Variants in COL9A1 observed in about 807,000 individuals in gnomAD.
The protein encoded by COL9A1 is collagen type IX alpha 1 chain.
Under a neutral mutation model 142.6 loss-of-function variants are expected in COL9A1, and 104 were observed. That is an observed-to-expected ratio of 0.73 (90% CI 0.62 to 0.86). The LOEUF (loss-of-function observed/expected upper bound fraction) is 0.86. COL9A1 is among the 40% of genes least tolerant of loss of function. The pLI is 0.00. For synonymous variants in COL9A1, 466 were observed against 396.0 expected, an observed-to-expected ratio of 1.18 and a Z score of -2.10; for missense variants, 1,210 against 1,176.6, an observed-to-expected ratio of 1.03 and a Z score of -0.42.
At chr6:70,271,609 T>C in intron 14 of COL9A1, 46 bp downstream of exon 14, 1 of 1,573,854 alleles carries the variant, frequency 6.4e-7, no homozygotes, top group Non-Finnish European at 8.7e-7. Flanking sequence ...AATAACATCT[T>C]CTATTAAATC....
At chr6:70,252,447 A>C in intron 26 of COL9A1, 132 bp from the exon 27 acceptor site, 3 of 798,244 alleles carry the variant, frequency 3.8e-6, no homozygotes, top group Non-Finnish European at 4.3e-6. Context: ...GAATCTGGGA[A>C]TGTGCAGAAT....
chr6:70,259,551 A>T (rs1379834890), intron 20 of COL9A1, among the ~76,000 whole-genome samples: 1 of 152,100 alleles, frequency 6.6e-6, no homozygotes, highest in Non-Finnish European at 1.5e-5. Flanking sequence ...ACTCAGCTAA[A>T]CATAGCCTGT....
chr6:70,231,061 G>C (rs571773001), intron 36 of COL9A1, among the ~76,000 whole-genome samples: 2 of 152,266 alleles, frequency 1.3e-5, no homozygotes, highest in Admixed American at 6.5e-5. Context: ...GAACCACCAG[G>C]AGGGCCTGTT....
chr6:70,249,698 A>T (rs1312085273), intron 28 of COL9A1, among the ~76,000 whole-genome samples: 2 of 152,080 alleles, frequency 1.3e-5, no homozygotes, highest in Non-Finnish European at 2.9e-5. Context: ...AAAAATCAAA[A>T]ATCTAAAACT....
rs111541379 is a variant in COL9A1 at position 70,295,364 on chromosome 6, G to A, written c.300-801C>T. ...TGCAATGGCGCCATCTCAGCTCACT[G>A]CAACCTCCACCTCCTGGGTTCAAGT... is the stretch of plus-strand genomic sequence containing the variant. On this transcript the variant is annotated intron_variant, in intron 4 of 37. Coordinates refer to ENST00000357250, the MANE Select transcript of COL9A1 (RefSeq NM_001851.6). Among the ~76,000 whole-genome samples, 606 of 131,058 alleles carry A rather than the reference G, an allele frequency of 4.6e-3. 3 individuals carry two copies. The highest frequency in any genetic ancestry group is 0.017 in the African/African-American group (572 of 34,386). The allele number at this position is 131,058 out of a possible 152,430, so 86.0% of individuals were successfully genotyped here.
At chr6:70,240,323 C>T (rs1464067934) in intron 32 of COL9A1, among the ~76,000 whole-genome samples, 2 of 152,142 alleles carry the variant, frequency 1.3e-5, no homozygotes, top group Non-Finnish European at 2.9e-5. Context: ...TGATAGTGCA[C>T]TATTATTCAT....
chr6:70,300,398 A>G lies in COL9A1; in HGVS notation c.89-12T>C, dbSNP rs12210123. 278,790 of 1,544,692 alleles carry G rather than the reference A, an allele frequency of 0.18. 26,920 individuals carry two copies. Among genetic ancestry groups the G allele is most frequent in the African/African-American group, 0.28 (20,276 of 73,318 alleles). ...ATTGACAGGGAATCCTGCAAAAGAG[A>G]TAGCATGTCATTCTACTTCATCCAC... On this transcript the variant is annotated splice_polypyrimidine_tract_variant and intron_variant, in intron 2 of 37. Transcript: ENST00000357250.
At chr6:70,302,572 G>A (rs574271316) in intron 1 of COL9A1, among the ~76,000 whole-genome samples, 11 of 152,002 alleles carry the variant, frequency 7.2e-5, no homozygotes, top group Non-Finnish European at 1.2e-4. Context: ...CCCCACTGTC[G>A]TTGTTGTTTT....
At chr6:70,254,036 A>G (rs1250290767) in intron 25 of COL9A1, among the ~76,000 whole-genome samples, 2 of 152,222 alleles carry the variant, frequency 1.3e-5, no homozygotes, top group African/African-American at 2.4e-5. Flanking sequence ...TTCCAGACAC[A>G]TTAATGCAGG....
intron 29 of COL9A1, 76 bp from the exon 30 acceptor site, chr6:70,242,111 G>A (rs1770295890): frequency 7.8e-7 from 1 of 1,286,940 alleles, no homozygotes; most frequent in Admixed American, 2.0e-5. Flanking sequence ...AACAACCTTG[G>A]GTGTGTTGAC....
intron 36 of COL9A1, among the ~76,000 whole-genome samples, chr6:70,231,411 A>C (rs1368739556): frequency 6.6e-6 from 1 of 152,182 alleles, no homozygotes; most frequent in Non-Finnish European, 1.5e-5. Context: ...TGACTCTTTC[A>C]AAGAAAATGT....
At chr6:70,237,625 T>G (rs1192944644) in intron 33 of COL9A1, among the ~76,000 whole-genome samples, 1 of 152,234 alleles carries the variant, frequency 6.6e-6, no homozygotes, top group Non-Finnish European at 1.5e-5. Flanking sequence ...TGTTACAGCT[T>G]GAATTCTTTC....
chr6:70,248,785 G>A (rs630131), intron 28 of COL9A1, among the ~76,000 whole-genome samples: 8,692 of 152,218 alleles, frequency 0.057, 877 homozygotes, highest in African/African-American at 0.2. Flanking sequence ...TGAGGAAAGC[G>A]AGGTGGGAAA....
At chr6:70,281,240 G>A (rs1243640160) in intron 8 of COL9A1, 150 bp downstream of exon 8, 2 of 835,366 alleles carry the variant, frequency 2.4e-6, no homozygotes, top group Non-Finnish European at 3.7e-6. Context: ...CCCAACTCTC[G>A]CCCATGTCTG....
intron 10 of COL9A1, chr6:70,275,016 T>G (rs1386567491): frequency 1.9e-6 from 1 of 522,466 alleles, no homozygotes; most frequent in Non-Finnish European, 3.4e-6. Flanking sequence ...CTAACTGCAT[T>G]GTTTATCACA....
intron 5 of COL9A1, among the ~76,000 whole-genome samples, chr6:70,285,270 T>A (rs936704052): frequency 6.6e-6 from 1 of 152,184 alleles, no homozygotes; most frequent in African/African-American, 2.4e-5. Flanking sequence ...GCCACATAGA[T>A]CAAGAGTTTC....
intron 20 of COL9A1, chr6:70,258,689 A>G (rs1226698680): frequency 6.6e-6 from 1 of 152,172 alleles, no homozygotes; most frequent in Non-Finnish European, 1.5e-5. Context: ...GTTCAGCATG[A>G]GCTTAGACCC....
At chr6:70,240,316 T>C (rs1387019601) in intron 32 of COL9A1, among the ~76,000 whole-genome samples, 2 of 152,220 alleles carry the variant, frequency 1.3e-5, no homozygotes, top group South Asian at 2.1e-4. Flanking sequence ...GTTTTCATGA[T>C]AGTGCACTAT....
intron 5 of COL9A1, among the ~76,000 whole-genome samples, chr6:70,286,997 A>G (rs1461901851): frequency 6.6e-6 from 1 of 152,234 alleles, no homozygotes; most frequent in Non-Finnish European, 1.5e-5. Context: ...GCAGTATCTA[A>G]GCAGAAAATG....
Sources: allele counts gnomAD v4.1 joint callset (sites outside exome capture counted in the v4.1 genomes callset), GRCh38; gene constraint gnomAD v4.1.1; transcripts MANE v1.5; gene names NCBI Gene and HGNC (gene_info 2026-07-23, HGNC 2026-07-21).